DPP6: variants seen among roughly 807,000 people sequenced by gnomAD.
DPP6 encodes A-type potassium channel modulatory protein DPP6.
Under a neutral mutation model 122.6 loss-of-function variants are expected in DPP6, and 69 were observed. The ratio of observed to expected loss-of-function variants is 0.56; its 90% CI spans 0.46 to 0.69. The LOEUF (loss-of-function observed/expected upper bound fraction) is 0.69, where lower values mean the gene tolerates loss of function less well. Ranked by LOEUF, DPP6 falls within the 30% of genes least tolerant of loss-of-function variation. DPP6 has a pLI of 0.00. For missense variants in DPP6, 928 were observed against 1,116.9 expected (o/e 0.83, Z 2.41); for synonymous variants, 418 against 433.1 (o/e 0.97, Z 0.43).
At chr7:154,390,818 C>G (rs1814553082) in intron 1 of DPP6, among the ~76,000 whole-genome samples, 1 of 152,152 alleles carries the variant, frequency 6.6e-6, no homozygotes, top group African/African-American at 2.4e-5. Flanking sequence ...TCCACACGGT[C>G]CTCTTCTGAG....
At chr7:154,578,111 G>A (rs1389871423) in intron 5 of DPP6, among the ~76,000 whole-genome samples, 2 of 152,172 alleles carry the variant, frequency 1.3e-5, no homozygotes, top group African/African-American at 4.8e-5. Flanking sequence ...TTAGCACAGG[G>A]TTAAAATTAG....
At chr7:154,558,113 C>T (rs528329721) in intron 4 of DPP6, among the ~76,000 whole-genome samples, 13 of 151,996 alleles carry the variant, frequency 8.6e-5, no homozygotes, top group African/African-American at 2.4e-4. Flanking sequence ...TCCACCCCCC[C>T]ACAGGCCCCA....
intron 3 of DPP6, among the ~76,000 whole-genome samples, chr7:154,492,522 G>T (rs1303373820): frequency 1.3e-5 from 2 of 152,102 alleles, no homozygotes; most frequent in Non-Finnish European, 2.9e-5. Context: ...GCTCACACTC[G>T]TTCACCTCGT....
chr7:153,881,179 TAGG>T, the DPP6 span, among the ~76,000 whole-genome samples: 4 of 152,182 alleles, frequency 2.6e-5, no homozygotes, highest in Non-Finnish European at 1.5e-5. Flanking sequence ...AGTGTGAAAG[TAGG>T]AGGACTCAAA....
chr7:154,123,007 C>T (rs1807606209), intron 1 of DPP6, among the ~76,000 whole-genome samples: 1 of 152,000 alleles, frequency 6.6e-6, no homozygotes. Flanking sequence ...GGGACAGATC[C>T]TCGGGCACTG....
At chr7:154,799,054 C>T (rs1394636791) in intron 12 of DPP6, among the ~76,000 whole-genome samples, 2 of 152,090 alleles carry the variant, frequency 1.3e-5, no homozygotes, top group Non-Finnish European at 2.9e-5. Flanking sequence ...AGAAGCTTGC[C>T]CCAGCTGGCC....
chr7:154,407,818 C>G (rs1255886634), intron 1 of DPP6, among the ~76,000 whole-genome samples: 1 of 152,120 alleles, frequency 6.6e-6, no homozygotes, highest in Non-Finnish European at 1.5e-5. Context: ...AGATTGAGTT[C>G]TGGATTATTA....
chr7:154,016,608 T>C (rs1798431464), intron 1 of DPP6, among the ~76,000 whole-genome samples: 2 of 152,114 alleles, frequency 1.3e-5, no homozygotes, highest in African/African-American at 2.4e-5. Flanking sequence ...ACAAAGGTTT[T>C]TGGAAAAAAA....
At chr7:154,604,003 G>T (rs1182379668) in intron 5 of DPP6, among the ~76,000 whole-genome samples, 1 of 120,624 alleles carries the variant, frequency 8.3e-6, no homozygotes, top group Non-Finnish European at 1.9e-5. Context: ...CATGATTTGT[G>T]TACTTTTTCT....
At chr7:154,752,016 A>G (rs948185887) in intron 8 of DPP6, among the ~76,000 whole-genome samples, 9 of 152,140 alleles carry the variant, frequency 5.9e-5, no homozygotes, top group African/African-American at 1.9e-4. Flanking sequence ...CAATGAGAAG[A>G]CAGAGTTTAT....
In DPP6 at chr7:154,821,774, A is replaced by G. The variant is rs958751759; in HGVS notation, c.1666+14662A>G. On this transcript the variant is annotated intron_variant, in intron 16 of 25. Transcript: ENST00000377770. The surrounding 1 kb of genome is among the most constrained non-coding windows in gnomAD (Gnocchi z 4.2). Reference sequence around the variant, plus strand: ...ATGTTTCCTCAAGTCAAAGTATAGCATTTGCTTTTCAGTTCAATCAAAGGA... The same window carrying G: ...ATGTTTCCTCAAGTCAAAGTATAGCGTTTGCTTTTCAGTTCAATCAAAGGA... Among the ~76,000 whole-genome samples, 1 of 151,684 alleles carries G rather than the reference A, an allele frequency of 6.6e-6. No individual in the cohort carries two copies. Among genetic ancestry groups the G allele is most frequent in the Non-Finnish European group, 1.5e-5 (1 of 67,952 alleles).
chr7:154,164,704 A>G (rs141071254), intron 1 of DPP6, among the ~76,000 whole-genome samples: 136 of 152,320 alleles, frequency 8.9e-4, no homozygotes, highest in Admixed American at 3.5e-3. Context: ...GCCGTGTCAT[A>G]TAAATGGAGT....
chr7:154,375,101 G>A (rs1427571100), intron 1 of DPP6, among the ~76,000 whole-genome samples: 5 of 152,134 alleles, frequency 3.3e-5, no homozygotes, highest in South Asian at 2.1e-4. Context: ...AAAGAGGAGC[G>A]TGAGTCCCGG....
chr7:154,884,315 C>T (rs1340347373), intron 21 of DPP6: 3 of 59,924 alleles, frequency 5.0e-5, no homozygotes, highest in Non-Finnish European at 8.9e-5. Context: ...CCTACTCACA[C>T]ACACATGCTC....
In DPP6 at chr7:154,831,414, GA is replaced by G. The variant is rs895031260; in HGVS notation, c.1667-22358del. 4.6e-5 allele frequency among the ~76,000 whole-genome samples: 7 copies of G among 151,966 alleles called. No individual in the cohort carries two copies. The South Asian group carries it at 6.2e-4, about 14-fold the overall frequency. On this transcript the variant is annotated intron_variant, in intron 16 of 25. Transcript: ENST00000377770. ...GAGCTGGGTAGAAATTTAAAAAGGG[GA>G]AAAAAAACTCTTTATTGCAAAAGTT...
the DPP6 span, among the ~76,000 whole-genome samples, chr7:153,786,740 G>GGAAAAAAAAAAA: frequency 6.3e-5 from 2 of 31,782 alleles, no homozygotes; most frequent in African/African-American, 1.0e-4. Flanking sequence ...CTCCGTCTCA[G>GGAAAAAAAAAAA]AAAAAAAAAA....
chr7:154,036,020 TTG>T (rs1162400104), intron 1 of DPP6, among the ~76,000 whole-genome samples: 1,104 of 54,294 alleles, frequency 0.02, 11 homozygotes, highest in African/African-American at 0.043. Context: ...GCGCGCGCGC[TTG>T]TGTGTGTGTG....
At position 154,558,106 on chromosome 7, in the gene DPP6, A is replaced by AC. The variant is rs144643058; in HGVS notation, c.553-8729dup. On this transcript the variant is annotated intron_variant, in intron 4 of 25. Transcript: ENST00000377770. ...ATGCTATCCCTCCCTTTACCCCTCC[A>AC]CCCCCCCACAGGCCCCAGTATATGA... Among the ~76,000 whole-genome samples, 1,158 of 147,668 alleles carry AC rather than the reference A, an allele frequency of 7.8e-3. 16 individuals carry two copies. Among genetic ancestry groups the AC allele is most frequent in the African/African-American group, 0.027 (1,078 of 39,856 alleles).
chr7:154,629,548 C>T (rs575531016), intron 5 of DPP6, among the ~76,000 whole-genome samples: 3 of 152,218 alleles, frequency 2.0e-5, no homozygotes, highest in Non-Finnish European at 2.9e-5. Context: ...GTATGCCAGC[C>T]ATGGGGTTCT....
Sources: allele counts gnomAD v4.1 joint callset (sites outside exome capture counted in the v4.1 genomes callset), GRCh38; gene constraint gnomAD v4.1.1; non-coding constraint Gnocchi (gnomAD v3.1); transcripts MANE v1.5; gene names NCBI Gene and HGNC (gene_info 2026-07-23, HGNC 2026-07-21).